The following KIRREL3 variants were observed in gnomAD, a reference collection of about 807,000 sequenced individuals.
KIRREL3 encodes kin of IRRE-like protein 3.
A neutral mutation model predicts 89.7 loss-of-function variants in KIRREL3; 36 were observed. That is an observed-to-expected ratio of 0.40 (90% CI 0.31 to 0.53). The LOEUF (loss-of-function observed/expected upper bound fraction) is 0.53. Among genes scored for constraint, KIRREL3 ranks in the 20% least tolerant of loss-of-function variants. The pLI is 0.49. For synonymous variants in KIRREL3, 445 were observed against 441.4 expected, an observed-to-expected ratio of 1.01 and a Z score of -0.10; for missense variants, 864 against 1,056.6, an observed-to-expected ratio of 0.82 and a Z score of 2.53.
intron 1 of KIRREL3, among the ~76,000 whole-genome samples, chr11:126,884,678 T>G (rs1945633815): frequency 6.6e-6 from 1 of 151,890 alleles, no homozygotes; most frequent in African/African-American, 2.4e-5. Context: ...GGAAACTAAT[T>G]AATCGATTCA....
At chr11:126,862,538 C>A (rs1429862265) in intron 1 of KIRREL3, among the ~76,000 whole-genome samples, 1 of 152,126 alleles carries the variant, frequency 6.6e-6, no homozygotes, top group African/African-American at 2.4e-5. Context: ...ACATGGGCAG[C>A]AGGTTTGGAA....
intron 1 of KIRREL3, among the ~76,000 whole-genome samples, chr11:126,585,623 C>A (rs543226010): frequency 6.6e-6 from 1 of 152,222 alleles, no homozygotes; most frequent in South Asian, 2.1e-4. Flanking sequence ...TTGGAAGCAG[C>A]GGACCGGATA....
chr11:126,741,908 A>T (rs1288989350), intron 1 of KIRREL3, among the ~76,000 whole-genome samples: 1 of 152,228 alleles, frequency 6.6e-6, no homozygotes, highest in Non-Finnish European at 1.5e-5. Context: ...GCTAGGTGAG[A>T]GGGGGAGAGT....
chr11:126,606,667 C>T lies in KIRREL3; in HGVS notation c.56-43755G>A, dbSNP rs115983884. Among the ~76,000 whole-genome samples, 554 of 152,222 alleles carry T rather than the reference C, an allele frequency of 3.6e-3. 1 individual carries two copies. Among genetic ancestry groups the T allele is most frequent in the African/African-American group, 0.013 (523 of 41,518 alleles). On this transcript the variant is annotated intron_variant, in intron 1 of 16. Coordinates refer to ENST00000525144, the MANE Select transcript of KIRREL3 (RefSeq NM_032531.4). This position sits in a 1 kb window ranked among gnomAD's most constrained non-coding sequence, Gnocchi z 4.6. ...CGGAGGACTCCAGTCAGTTTCCAAG[C>T]TGCATAACTTGGTTCAAGGTTGGCA...
rs142378027 is a variant in KIRREL3 at position 126,477,622 on chromosome 11, A to G, written c.434-4156T>C. On this transcript the variant is annotated intron_variant, in intron 4 of 16. Transcript: ENST00000525144. The surrounding 1 kb of genome is among the most constrained non-coding windows in gnomAD (Gnocchi z 4.8). ...AACCTCTATACTCCCCTTTTTTTAG[A>G]GACAGTTTGCCAGGTTGGCCAGCCT... Among the ~76,000 whole-genome samples the G allele has an allele frequency of 4.1e-4, 62 of 152,078 alleles. No individual in the cohort carries two copies. Among genetic ancestry groups the G allele is most frequent in the African/African-American group, 1.4e-3 (57 of 41,484 alleles).
rs770496881 is a variant in KIRREL3 at position 126,607,172 on chromosome 11, T to C, written c.56-44260A>G. On this transcript the variant is annotated intron_variant, in intron 1 of 16. Transcript: ENST00000525144. The surrounding 1 kb of genome is among the most constrained non-coding windows in gnomAD (Gnocchi z 6.6). ...GGATGGAGGGGCAAAGCCAGGAAAA[T>C]ACCTGGGGGCTTCCACTCCCTAAAC... Among the ~76,000 whole-genome samples the C allele has an allele frequency of 2.6e-5, 4 of 151,828 alleles. No individual in the cohort carries two copies. Among genetic ancestry groups the C allele is most frequent in the Non-Finnish European group, 4.4e-5 (3 of 67,976 alleles).
At chr11:126,730,603 A>C (rs1057059369) in intron 1 of KIRREL3, among the ~76,000 whole-genome samples, 1 of 152,248 alleles carries the variant, frequency 6.6e-6, no homozygotes, top group African/African-American at 2.4e-5. Flanking sequence ...GGTTGCTACT[A>C]GCATCAAGTG....
chr11:126,686,389 T>G lies in KIRREL3; in HGVS notation c.56-123477A>C, dbSNP rs116474856. Among the ~76,000 whole-genome samples the G allele has an allele frequency of 3.1e-3, 470 of 152,210 alleles. 3 individuals carry two copies. The highest frequency in any genetic ancestry group is 0.011 in the African/African-American group (451 of 41,532). On this transcript the variant is annotated intron_variant, in intron 1 of 16. Coordinates refer to ENST00000525144, the MANE Select transcript of KIRREL3 (RefSeq NM_032531.4). This position sits in a 1 kb window ranked among gnomAD's most constrained non-coding sequence, Gnocchi z 4.7. ...CTAGGAACTGTGCTTGGTGATGAGC[T>G]GCAGAGACAGAAGACACCATCCTAT...
At chr11:126,585,632 T>C (rs746994689) in intron 1 of KIRREL3, among the ~76,000 whole-genome samples, 3 of 152,200 alleles carry the variant, frequency 2.0e-5, no homozygotes, top group Non-Finnish European at 4.4e-5. Flanking sequence ...GCGGACCGGA[T>C]AGGAAAACTG....
Position 126,719,081 on chromosome 11 carries a change from T to C in KIRREL3, c.56-156169A>G, listed in dbSNP as rs1229697099. Among the ~76,000 whole-genome samples the C allele has an allele frequency of 6.6e-6, 1 of 152,276 alleles. No homozygotes were observed. Among genetic ancestry groups the C allele is most frequent in the Non-Finnish European group, 1.5e-5 (1 of 68,052 alleles). On this transcript the variant is annotated intron_variant, in intron 1 of 16. Transcript: ENST00000525144. This position sits in a 1 kb window ranked among gnomAD's most constrained non-coding sequence, Gnocchi z 4.7. ...TCCTCCTGCTATACCTCCTTTGCTG[T>C]GTTCTCTTTTACAGAACTCAGAAGA...
chr11:126,799,076 G>A (rs1486920821), intron 1 of KIRREL3, among the ~76,000 whole-genome samples: 1 of 149,010 alleles, frequency 6.7e-6, no homozygotes, highest in African/African-American at 2.5e-5. Context: ...GCACGTATTC[G>A]TGTGTGTGCA....
At position 126,891,835 on chromosome 11, in the gene KIRREL3, T is replaced by C. The variant is rs1301078778; in HGVS notation, c.55+108620A>G. ...TTCCCAGTGAGGTCTGTCTTTTCTT[T>C]GAAAGGGACAGAGGAGTGTGGTCCT... On this transcript the variant is annotated intron_variant, in intron 1 of 16. Transcript: ENST00000525144. This position sits in a 1 kb window ranked among gnomAD's most constrained non-coding sequence, Gnocchi z 5.1. 6.6e-6 allele frequency among the ~76,000 whole-genome samples: 1 copy of C among 152,228 alleles called. No homozygotes were observed. Among genetic ancestry groups the C allele is most frequent in the Non-Finnish European group, 1.5e-5 (1 of 68,048 alleles).
intron 1 of KIRREL3, among the ~76,000 whole-genome samples, chr11:126,888,573 A>C (rs949589925): frequency 3.3e-5 from 5 of 152,230 alleles, no homozygotes; most frequent in Non-Finnish European, 5.9e-5. Flanking sequence ...AGTCCCACTT[A>C]TCTTAGAATG....
intron 1 of KIRREL3, among the ~76,000 whole-genome samples, chr11:126,856,555 G>GTATATA (rs36218965): frequency 0.01 from 1,380 of 136,200 alleles, 21 homozygotes; most frequent in Non-Finnish European, 0.015. Context: ...ATTTTTCTAA[G>GTATATA]TATATATATA....
intron 4 of KIRREL3, among the ~76,000 whole-genome samples, chr11:126,488,630 C>G (rs760893535): frequency 5.9e-5 from 9 of 152,238 alleles, no homozygotes; most frequent in Non-Finnish European, 1.3e-4. Context: ...GGAGCCGCGG[C>G]TTCCAGTGAC....
In KIRREL3 at chr11:126,594,705, C is replaced by T. The variant is rs909000953; in HGVS notation, c.56-31793G>A. Reference sequence around the variant, plus strand: ...TAAATTCTCTAACCCATGCTCCTGGCCAACTCTCCTCTGTCCAGCCGCAGG... The same window carrying T: ...TAAATTCTCTAACCCATGCTCCTGGTCAACTCTCCTCTGTCCAGCCGCAGG... On this transcript the variant is annotated intron_variant, in intron 1 of 16. Coordinates refer to ENST00000525144, the MANE Select transcript of KIRREL3 (RefSeq NM_032531.4). This position sits in a 1 kb window ranked among gnomAD's most constrained non-coding sequence, Gnocchi z 5.0. Among the ~76,000 whole-genome samples, 9 of 152,050 alleles carry T rather than the reference C, an allele frequency of 5.9e-5. No homozygotes were observed. The highest frequency in any genetic ancestry group is 4.1e-4 in the South Asian group (2 of 4,822).
chr11:126,423,637 T>G lies in KIRREL3; in HGVS notation c.*943A>C, dbSNP rs954527214. On this transcript the variant is annotated 3_prime_UTR_variant, in exon 17 of 17. Transcript: ENST00000525144. The stretch of plus-strand genomic sequence containing the variant: ...TCAGCTGAGAAGGGCAGTCTCGCCA[T>G]CTTAAAGACCTGCCCTCCAGCCCCT... The G allele has an allele frequency of 2.6e-5, 4 of 152,190 alleles. No individual in the cohort carries two copies. Among genetic ancestry groups the G allele is most frequent in the African/African-American group, 9.7e-5 (4 of 41,434 alleles). The allele number at this position is 152,190 out of a possible 1,614,324, so 9.4% of individuals were successfully genotyped here.
chr11:126,429,356 G>T lies in KIRREL3; in HGVS notation c.1697-68C>A. 9.0e-7 allele frequency: 1 copy of T among 1,109,802 alleles called. No individual in the cohort carries two copies. The highest frequency in any genetic ancestry group is 1.4e-6 in the Non-Finnish European group (1 of 736,566). 68.7% of individuals were successfully genotyped at this position (1,109,802 alleles called of 1,614,324 possible). A position where few individuals can be genotyped will look rare whatever the true frequency, so the allele number is the denominator to read the frequency against. ...TACCTTTGAGATGTCAAGCTCCCTT[G>T]CAGTCCCCTGCCCCTGCCCTGCCAC... On this transcript the variant is annotated intron_variant, in intron 14 of 16. Coordinates refer to ENST00000525144, the MANE Select transcript of KIRREL3 (RefSeq NM_032531.4). The surrounding 1 kb of genome is among the most constrained non-coding windows in gnomAD (Gnocchi z 5.2).
intron 1 of KIRREL3, among the ~76,000 whole-genome samples, chr11:126,596,651 A>G (rs1311720115): frequency 6.6e-6 from 1 of 152,240 alleles, no homozygotes; most frequent in East Asian, 1.9e-4. Flanking sequence ...TCTGGCAGGC[A>G]TGCGGGAGTG....
Sources: allele counts gnomAD v4.1 joint callset (sites outside exome capture counted in the v4.1 genomes callset), GRCh38; gene constraint gnomAD v4.1.1; non-coding constraint Gnocchi (gnomAD v3.1); transcripts MANE v1.5; gene names NCBI Gene and HGNC (gene_info 2026-07-23, HGNC 2026-07-21).